The following SNRPN variants were observed in gnomAD, a reference collection of about 807,000 sequenced individuals.
The protein encoded by SNRPN is small nuclear ribonucleoprotein polypeptide N.
In SNRPN, 7 loss-of-function variants were observed where a neutral mutation model predicts 25.2. That is an observed-to-expected ratio of 0.28 (90% CI 0.16 to 0.52). The LOEUF (loss-of-function observed/expected upper bound fraction) is 0.52. Among genes scored for constraint, SNRPN ranks in the 20% least tolerant of loss-of-function variants. The pLI, the probability that SNRPN is intolerant of heterozygous loss-of-function variation, is 0.96. For synonymous variants in SNRPN, 124 were observed against 110.6 expected (o/e 1.12, Z -0.76); for missense variants, 196 against 322.5 (o/e 0.61, Z 3.00).
At chr15:24,941,835 G>C (rs1031825891) in intron 3 of SNRPN, among the ~76,000 whole-genome samples, 1 of 152,036 alleles carries the variant, frequency 6.6e-6, no homozygotes, top group African/African-American at 2.4e-5. Context: ...CTGCAGTGCA[G>C]TGGCGCAATC....
At chr15:24,895,537 A>G (rs4243769) in intron 2 of SNRPN, among the ~76,000 whole-genome samples, 65,015 of 151,752 alleles carry the variant, frequency 0.43, 14,962 homozygotes, top group African/African-American at 0.58. Flanking sequence ...TTGCCATCAC[A>G]TATCTGGTCA....
intron 3 of SNRPN, among the ~76,000 whole-genome samples, chr15:24,973,248 T>C (rs1011997891): frequency 6.6e-6 from 1 of 152,150 alleles, no homozygotes; most frequent in Non-Finnish European, 1.5e-5. Flanking sequence ...TAACATGATA[T>C]ACAGGTTTGT....
At chr15:24,886,963 G>C (rs1205225220) in intron 2 of SNRPN, among the ~76,000 whole-genome samples, 1 of 152,096 alleles carries the variant, frequency 6.6e-6, no homozygotes, top group African/African-American at 2.4e-5. Context: ...GGAATGGGAT[G>C]TAAAGTGACA....
chr15:24,874,244 A>G (rs2055593095), intron 1 of SNRPN, among the ~76,000 whole-genome samples: 1 of 135,720 alleles, frequency 7.4e-6, no homozygotes, highest in African/African-American at 2.8e-5. Flanking sequence ...CGGGAGGTGG[A>G]GCTTGCAGTG....
rs189910289 is a variant in SNRPN at position 24,962,610 on chromosome 15, T to G, written c.-295+401T>G. On this transcript the variant is annotated intron_variant, in intron 2 of 9. Coordinates refer to ENST00000390687, the MANE Select transcript of SNRPN (RefSeq NM_003097.6). ...TAGGTGTTTGTTTTTGGTTAGTGCA[T>G]TTATTCTGTTAAAATTTAAAATACA... Among the ~76,000 whole-genome samples the G allele has an allele frequency of 4.5e-4, 68 of 152,302 alleles. No individual in the cohort carries two copies. The East Asian group carries it at 0.011, about 24-fold the overall frequency.
intron 3 of SNRPN, among the ~76,000 whole-genome samples, chr15:24,923,025 A>T (rs2060127642): frequency 6.7e-6 from 1 of 148,412 alleles, no homozygotes; most frequent in Admixed American, 6.9e-5. Flanking sequence ...CCTGCCTCAG[A>T]CCCCCATGTA....
At chr15:24,858,681 A>G (rs1231917440) in intron 1 of SNRPN, among the ~76,000 whole-genome samples, 1 of 151,816 alleles carries the variant, frequency 6.6e-6, no homozygotes, top group Admixed American at 6.6e-5. Flanking sequence ...TGCACCTGTA[A>G]TCCCAGCTAC....
upstream of SNRPN, among the ~76,000 whole-genome samples, chr15:24,853,203 T>C (rs1006501416): frequency 2.0e-5 from 3 of 152,190 alleles, no homozygotes; most frequent in African/African-American, 7.2e-5. Context: ...TTAAACATTA[T>C]CATTCACTGC....
At chr15:24,891,347 A>G (rs1013362131) in intron 2 of SNRPN, among the ~76,000 whole-genome samples, 1 of 152,186 alleles carries the variant, frequency 6.6e-6, no homozygotes, top group Non-Finnish European at 1.5e-5. Context: ...ATACTTAGTT[A>G]TGTAAGCATT....
intron 2 of SNRPN, among the ~76,000 whole-genome samples, chr15:24,918,539 TATATATGTGTGTATATATAACATA>T (rs1566909163): frequency 3.9e-5 from 5 of 128,114 alleles, no homozygotes; most frequent in Admixed American, 9.1e-5. Context: ...TATAACATAA[TATATATGTGTGTATATATAACATA>T]ATATATATGT....
In SNRPN at chr15:24,968,090, C is replaced by CT. The variant is rs1328811941; in HGVS notation, c.-144+9dup. 4.9e-6 allele frequency: 7 copies of CT among 1,432,086 alleles called. No individual in the cohort carries two copies. In the Admixed American group the frequency reaches 5.0e-5, roughly 10 times the overall value. 88.7% of individuals were successfully genotyped at this position (1,432,086 alleles called of 1,614,324 possible). A position where few individuals can be genotyped will look rare whatever the true frequency, so the allele number is the denominator to read the frequency against. On this transcript the variant is annotated intron_variant, in intron 3 of 9. Transcript: ENST00000390687. ...ATTCCAAGCAAAAACCAGGTTAGAG[C>CT]TAATGCAGCAATGATCAAGAATAAA...
At position 24,910,325 on chromosome 15, in the gene SNRPN, G is replaced by A. The variant is rs555330517; in HGVS notation, c.-504-9686G>A. On this transcript the variant is annotated intron_variant, in intron 2 of 11. Transcript: ENST00000400097. ...AAAAGATAGGACTTCTAATCAAAAG[G>A]GAAGCAGATTAGCTGGGCATGGTGG... 4.6e-5 allele frequency among the ~76,000 whole-genome samples: 7 copies of A among 152,138 alleles called. No individual in the cohort carries two copies. The South Asian group carries it at 1.5e-3, about 32-fold the overall frequency.
intron 3 of SNRPN, chr15:24,921,382 C>T (rs968439474): frequency 1.3e-5 from 2 of 152,058 alleles, no homozygotes; most frequent in African/African-American, 4.8e-5. Context: ...TGCAGAGTAG[C>T]CCTGGAAACA....
chr15:24,951,912 T>C (rs28594258), upstream of SNRPN, among the ~76,000 whole-genome samples: 1,011 of 152,336 alleles, frequency 6.6e-3, 14 homozygotes, highest in African/African-American at 0.023. Context: ...ACTTTCTTAA[T>C]GTCCCTTGAA....
intron 1 of SNRPN, among the ~76,000 whole-genome samples, chr15:24,828,125 C>T (rs933530873): frequency 1.1e-4 from 17 of 152,008 alleles, no homozygotes; most frequent in Non-Finnish European, 2.5e-4. Flanking sequence ...TTGAGATTAA[C>T]TCATAAATGA....
At chr15:24,946,377 A>C (rs1284675969) in intron 3 of SNRPN, among the ~76,000 whole-genome samples, 1 of 152,206 alleles carries the variant, frequency 6.6e-6, no homozygotes, top group East Asian at 1.9e-4. Flanking sequence ...ACTGCACTCT[A>C]GCCTGGGTAA....
chr15:24,833,462 AG>A (rs1158818428), intron 2 of SNRPN, among the ~76,000 whole-genome samples: 1 of 152,092 alleles, frequency 6.6e-6, no homozygotes, highest in Non-Finnish European at 1.5e-5. Context: ...ATAAGGGCAA[AG>A]AAAAAAGTTC....
At chr15:24,921,501 G>A (rs1308887622) in intron 3 of SNRPN, among the ~76,000 whole-genome samples, 2 of 152,160 alleles carry the variant, frequency 1.3e-5, no homozygotes, top group South Asian at 2.1e-4. Flanking sequence ...CCTAAGGCAT[G>A]GGGGTTAGTT....
Position 24,858,188 on chromosome 15 carries a change from G to A in SNRPN, c.-579+1472G>A, listed in dbSNP as rs1177712071. On this transcript the variant is annotated intron_variant, in intron 1 of 11. Transcript: ENST00000400097. Reference sequence around the variant, plus strand: ...AACCGTAATTTTTAATCTTGTAGCTGATTTGTTATTCCTACAAAGGCATGA... The same window carrying A: ...AACCGTAATTTTTAATCTTGTAGCTAATTTGTTATTCCTACAAAGGCATGA... Among the ~76,000 whole-genome samples the A allele has an allele frequency of 6.6e-5, 10 of 152,092 alleles. 1 individual carries two copies. The highest frequency in any genetic ancestry group is 6.5e-4 in the Admixed American group (10 of 15,270).
Sources: allele counts gnomAD v4.1 joint callset (sites outside exome capture counted in the v4.1 genomes callset), GRCh38; gene constraint gnomAD v4.1.1; transcripts MANE v1.5; gene names NCBI Gene and HGNC (gene_info 2026-07-23, HGNC 2026-07-21).